The following RUNX1T1 variants were observed in gnomAD, a reference collection of about 807,000 sequenced individuals.
RUNX1T1 encodes the protein protein CBFA2T1.
In RUNX1T1, 4 loss-of-function variants were observed where a neutral mutation model predicts 62.8. That is an observed-to-expected ratio of 0.06 (90% CI 0.03 to 0.15). RUNX1T1 has a LOEUF of 0.15. Among genes scored for constraint, RUNX1T1 ranks in the 10% least tolerant of loss-of-function variants. The pLI is 1.00. For missense variants in RUNX1T1, 508 were observed against 754.3 expected, an observed-to-expected ratio of 0.67 and a Z score of 3.82; for synonymous variants, 291 against 286.0, an observed-to-expected ratio of 1.02 and a Z score of -0.18.
chr8:92,048,071 G>T (rs2130310424), intron 1 of RUNX1T1, among the ~76,000 whole-genome samples: 1 of 152,266 alleles, frequency 6.6e-6, no homozygotes, highest in South Asian at 2.1e-4. Flanking sequence ...AATATCTGCT[G>T]TTATCAAAAT....
intron 7 of RUNX1T1, 40 bp from the exon 9 acceptor site, chr8:91,986,365 C>T: frequency 6.7e-7 from 1 of 1,485,636 alleles, no homozygotes; most frequent in South Asian, 1.1e-5. Context: ...GCATATAAAT[C>T]ATCACAATTA....
intron 5 of RUNX1T1, among the ~76,000 whole-genome samples, chr8:91,999,994 GT>G (rs1819452222): frequency 6.6e-6 from 1 of 152,148 alleles, no homozygotes; most frequent in Non-Finnish European, 1.5e-5. Context: ...GTACAACTGT[GT>G]TATCTTTAAC....
At chr8:91,957,481 G>A (rs1809557258), downstream of RUNX1T1, 2 of 223,566 alleles carry the variant, frequency 8.9e-6, no homozygotes, top group South Asian at 4.1e-4. Context: ...AGGAATCAGA[G>A]ATAGAGCTCA....
chr8:91,958,572 G>A (rs1216556733), downstream of RUNX1T1: 1 of 180,980 alleles, frequency 5.5e-6, no homozygotes, highest in Non-Finnish European at 1.2e-5. Context: ...TGCATGCACT[G>A]TCCTTTTTTT....
In RUNX1T1 at chr8:92,002,332, GAACAAAA is replaced by G. The variant is rs752090787; in HGVS notation, c.659+2777_659+2783del. Among the ~76,000 whole-genome samples, 341 of 151,134 alleles carry G rather than the reference GAACAAAA, an allele frequency of 2.3e-3. 1 individual carries two copies. In the Middle Eastern group the frequency reaches 0.034, roughly 15 times the overall value. On this transcript the variant is annotated intron_variant, in intron 5 of 10. Transcript: ENST00000396218. ...GAAAACATTTCACTGTTCCATACAG[GAACAAAA>G]AACAAAAAACAAAAAACAATTTCAT... is the stretch of plus-strand genomic sequence containing the variant.
At chr8:92,025,094 G>A (rs1824882344) in intron 1 of RUNX1T1, among the ~76,000 whole-genome samples, 1 of 152,130 alleles carries the variant, frequency 6.6e-6, no homozygotes, top group African/African-American at 2.4e-5. Context: ...AACTTCCAGA[G>A]GGCTACTCAT....
chr8:92,035,590 A>G (rs1178566727), intron 1 of RUNX1T1, among the ~76,000 whole-genome samples: 1 of 152,150 alleles, frequency 6.6e-6, no homozygotes. Flanking sequence ...TTTCAATTTC[A>G]TATTTATCAT....
intron 1 of RUNX1T1, among the ~76,000 whole-genome samples, chr8:92,036,591 T>C (rs1260374044): frequency 6.6e-6 from 1 of 152,196 alleles, no homozygotes; most frequent in Non-Finnish European, 1.5e-5. Flanking sequence ...TTTGAATACC[T>C]TTCCTTTTCA....
downstream of RUNX1T1, chr8:91,958,799 C>A: frequency 5.6e-6 from 1 of 179,660 alleles, no homozygotes. Context: ...CATTTATGTA[C>A]ATCCCTCTTA....
chr8:91,958,748 CAAAA>C (rs1809762572), downstream of RUNX1T1: 1 of 90,482 alleles, frequency 1.1e-5, no homozygotes, highest in Non-Finnish European at 2.2e-5. Flanking sequence ...AAAAAAAAAA[CAAAA>C]AGCATGCCTA....
At chr8:92,062,496 A>T in intron 1 of RUNX1T1, 1 of 1,574,424 alleles carries the variant, frequency 6.4e-7, no homozygotes, top group Non-Finnish European at 8.7e-7. Flanking sequence ...ATAGAAAGTA[A>T]GCTTTCTTCA....
At chr8:92,019,703 G>C (rs1413487107) in intron 1 of RUNX1T1, among the ~76,000 whole-genome samples, 1 of 152,022 alleles carries the variant, frequency 6.6e-6, no homozygotes, top group Non-Finnish European at 1.5e-5. Flanking sequence ...CTATAAATTT[G>C]ACAATAAGTT....
chr8:91,957,933 ACCAC>A (rs1809612740), downstream of RUNX1T1: 1 of 221,456 alleles, frequency 4.5e-6, no homozygotes, highest in Middle Eastern at 1.4e-3. Context: ...AAAAAATAAC[ACCAC>A]CCAAACAAAA....
At chr8:92,049,661 C>T (rs534551982) in intron 1 of RUNX1T1, among the ~76,000 whole-genome samples, 1 of 152,242 alleles carries the variant, frequency 6.6e-6, no homozygotes, top group South Asian at 2.1e-4. Context: ...AGAACCTCTA[C>T]CCCAAAACAA....
At chr8:92,102,982 CAG>C (rs1838111082), upstream of RUNX1T1, 7 of 1,355,236 alleles carry the variant, frequency 5.2e-6, no homozygotes, top group African/African-American at 6.1e-5. The surrounding 1 kb of genome is among the most constrained non-coding windows in gnomAD (Gnocchi z 4.5). Context: ...CTCGCGAGGC[CAG>C]AGTGTCCGCG....
intron 1 of RUNX1T1, among the ~76,000 whole-genome samples, chr8:92,053,827 A>G (rs1404306649): frequency 6.6e-6 from 1 of 152,180 alleles, no homozygotes; most frequent in Non-Finnish European, 1.5e-5. Flanking sequence ...TGCCAGGCTC[A>G]CAGGTAGCCT....
chr8:92,023,862 G>A (rs1158440023), intron 1 of RUNX1T1, among the ~76,000 whole-genome samples: 1 of 152,112 alleles, frequency 6.6e-6, no homozygotes, highest in Non-Finnish European at 1.5e-5. Flanking sequence ...CCCAGACATA[G>A]CACCTAGTCC....
upstream of RUNX1T1, among the ~76,000 whole-genome samples, chr8:92,067,479 C>T (rs147039347): frequency 1.3e-4 from 20 of 152,268 alleles, no homozygotes; most frequent in East Asian, 2.1e-3. Context: ...ATGGACTCTA[C>T]GACTGTACTT....
upstream of RUNX1T1, chr8:92,063,635 T>C (rs924837291): frequency 2.0e-5 from 3 of 152,348 alleles, no homozygotes; most frequent in East Asian, 1.9e-4. Context: ...GCAGTCCCTC[T>C]TTAGTCCTTT....
Sources: allele counts gnomAD v4.1 joint callset (sites outside exome capture counted in the v4.1 genomes callset), GRCh38; gene constraint gnomAD v4.1.1; non-coding constraint Gnocchi (gnomAD v3.1); transcripts MANE v1.5; gene names NCBI Gene and HGNC (gene_info 2026-07-23, HGNC 2026-07-21).